The following TC2N variants were observed in gnomAD, a reference collection of about 807,000 sequenced individuals.
The protein encoded by TC2N is tandem C2 domains nuclear protein.
In TC2N, 51 loss-of-function variants were observed where a neutral mutation model predicts 61.9. That is an observed-to-expected ratio of 0.82 (90% confidence interval 0.66 to 1.04). The LOEUF is 1.04. TC2N is among the 50% of genes least tolerant of loss of function. TC2N has a pLI of 0.00. For synonymous variants in TC2N, 204 were observed against 192.6 expected (o/e 1.06, Z -0.49); for missense variants, 556 against 566.7 (o/e 0.98, Z 0.19).
At chr14:91,852,761 A>T (rs1888399974) in intron 1 of TC2N, among the ~76,000 whole-genome samples, 1 of 152,184 alleles carries the variant, frequency 6.6e-6, no homozygotes, top group Non-Finnish European at 1.5e-5. Context: ...AAGGGTAGGA[A>T]GAGAGGGCAG....
chr14:91,848,721 G>A (rs1389610252), intron 1 of TC2N, among the ~76,000 whole-genome samples: 2 of 152,176 alleles, frequency 1.3e-5, no homozygotes, highest in Admixed American at 1.3e-4. Context: ...GAAGGGAGTA[G>A]ACCAGAAGAT....
chr14:91,811,276 T>C (rs528937762), intron 3 of TC2N, among the ~76,000 whole-genome samples: 1 of 152,124 alleles, frequency 6.6e-6, no homozygotes, highest in South Asian at 2.1e-4. Context: ...AATGGATAGG[T>C]AGACAGATAT....
At chr14:91,818,719 A>C (rs749329760) in intron 1 of TC2N, among the ~76,000 whole-genome samples, 19 of 152,256 alleles carry the variant, frequency 1.2e-4, no homozygotes, top group Non-Finnish European at 2.8e-4. Context: ...CTAGAGATGA[A>C]AACTATAATG....
intron 1 of TC2N, among the ~76,000 whole-genome samples, chr14:91,855,546 T>C (rs1412274007): frequency 1.3e-5 from 2 of 152,220 alleles, no homozygotes; most frequent in Non-Finnish European, 2.9e-5. Flanking sequence ...CATCAGTCAT[T>C]GGATTTAGAG....
At chr14:91,786,246 T>A (rs1324073868) in intron 10 of TC2N, among the ~76,000 whole-genome samples, 6 of 152,212 alleles carry the variant, frequency 3.9e-5, no homozygotes, top group Non-Finnish European at 8.8e-5. Context: ...TTATATATAG[T>A]TCTGATGATT....
At chr14:91,864,058 G>C (rs1298286068) in intron 1 of TC2N, among the ~76,000 whole-genome samples, 1 of 152,114 alleles carries the variant, frequency 6.6e-6, no homozygotes, top group Non-Finnish European at 1.5e-5. Flanking sequence ...TCAGTCCTCA[G>C]TTCTCCCTTA....
chr14:91,793,639 T>TG (rs1220099792), intron 8 of TC2N, among the ~76,000 whole-genome samples: 10 of 152,164 alleles, frequency 6.6e-5, no homozygotes, highest in African/African-American at 2.2e-4. Flanking sequence ...ATTGTAATTG[T>TG]TTTGGAGTGC....
chr14:91,854,316 A>G (rs1283844642), intron 1 of TC2N, among the ~76,000 whole-genome samples: 2 of 150,002 alleles, frequency 1.3e-5, no homozygotes, highest in South Asian at 4.3e-4. Flanking sequence ...ATACTTACCC[A>G]TGGGTCTTAG....
intron 11 of TC2N, among the ~76,000 whole-genome samples, chr14:91,784,905 A>G (rs1467017713): frequency 2.0e-5 from 3 of 152,214 alleles, no homozygotes; most frequent in South Asian, 2.1e-4. Context: ...TGAAAAATTG[A>G]TAATTCTCAT....
intron 11 of TC2N, among the ~76,000 whole-genome samples, chr14:91,784,271 G>A (rs1295190309): frequency 6.6e-6 from 1 of 152,028 alleles, no homozygotes; most frequent in East Asian, 1.9e-4. Flanking sequence ...TAACTGAATT[G>A]ACTTCATAAA....
At chr14:91,842,332 T>C (rs1888179411) in intron 1 of TC2N, among the ~76,000 whole-genome samples, 1 of 152,158 alleles carries the variant, frequency 6.6e-6, no homozygotes, top group Admixed American at 6.5e-5. Flanking sequence ...TATTTATCTA[T>C]AGGAACTACA....
chr14:91,858,152 C>CTTTTT (rs56379239), intron 1 of TC2N, among the ~76,000 whole-genome samples: 17 of 92,328 alleles, frequency 1.8e-4, no homozygotes, highest in East Asian at 3.3e-4. Flanking sequence ...TCTTCTTCTT[C>CTTTTT]TTTTTTTTTT....
chr14:91,812,319 T>C lies in TC2N; in HGVS notation c.294A>G (p.Glu98=). ...RTQETPSHLE[E]LEGSARASFG... The stretch of plus-strand genomic sequence containing the variant: ...TGCTATTTTATTGTTTACCTTCAAG[T>C]TCTTCCAGATGTGAAGGAGTTTCTT... Residue 98 remains glutamate (E), a synonymous_variant, in exon 3 of 12, where the codon GAA becomes GAG. Coordinates refer to ENST00000435962, the MANE Select transcript of TC2N (RefSeq NM_001128596.3). 1 of 1,582,032 alleles carries C rather than the reference T, an allele frequency of 6.3e-7. No individual in the cohort carries two copies. Among genetic ancestry groups the C allele is most frequent in the Non-Finnish European group, 8.6e-7 (1 of 1,158,554 alleles).
intron 8 of TC2N, among the ~76,000 whole-genome samples, chr14:91,797,113 AG>A (rs1220941893): frequency 3.9e-5 from 6 of 152,096 alleles, no homozygotes; most frequent in Non-Finnish European, 7.4e-5. Context: ...TACCTGTAAA[AG>A]TTTTCCTAAT....
intron 3 of TC2N, among the ~76,000 whole-genome samples, chr14:91,811,744 C>T (rs1217237983): frequency 6.6e-6 from 1 of 151,984 alleles, no homozygotes; most frequent in Non-Finnish European, 1.5e-5. Flanking sequence ...ACAGTTATCC[C>T]TCAGTATATG....
chr14:91,804,070 G>A (rs2139849005), intron 3 of TC2N, among the ~76,000 whole-genome samples: 1 of 152,260 alleles, frequency 6.6e-6, no homozygotes, highest in South Asian at 2.1e-4. Flanking sequence ...TTAAGACATT[G>A]ATAGGCACTT....
chr14:91,859,410 C>T (rs75372897), intron 1 of TC2N, among the ~76,000 whole-genome samples: 2,546 of 152,200 alleles, frequency 0.017, 57 homozygotes, highest in South Asian at 0.083. Flanking sequence ...GCTCCCTAAG[C>T]CTCCGTACCC....
chr14:91,812,970 T>C (rs1330816022), intron 2 of TC2N, among the ~76,000 whole-genome samples: 1 of 151,870 alleles, frequency 6.6e-6, no homozygotes, highest in African/African-American at 2.4e-5. Flanking sequence ...TAGAATCATA[T>C]GTGATTCCTA....
Position 91,839,458 on chromosome 14 carries a change from T to C in TC2N, c.-56-25633A>G, listed in dbSNP as rs1888124764. Among the ~76,000 whole-genome samples, 10 of 152,220 alleles carry C rather than the reference T, an allele frequency of 6.6e-5. 1 individual carries two copies. The South Asian group carries it at 2.1e-3, about 32-fold the overall frequency. ...CATGGTGCCTACATCATAGCTGTGA[T>C]TACTGGCTTCTTTTCCCACTTCCCT... On this transcript the variant is annotated intron_variant, in intron 1 of 11. Coordinates refer to ENST00000435962, the MANE Select transcript of TC2N (RefSeq NM_001128596.3).
Sources: allele counts gnomAD v4.1 joint callset (sites outside exome capture counted in the v4.1 genomes callset), GRCh38; gene constraint gnomAD v4.1.1; transcripts MANE v1.5; gene names NCBI Gene and HGNC (gene_info 2026-07-23, HGNC 2026-07-21).